PACS2: variants seen among roughly 807,000 people sequenced by gnomAD.
PACS2 encodes the protein PACS1-like protein.
In PACS2, 36 loss-of-function variants were observed where a neutral mutation model predicts 113.0. The ratio of observed to expected loss-of-function variants is 0.32; its 90% CI spans 0.24 to 0.42. PACS2 has a LOEUF of 0.42. Among genes scored for constraint, PACS2 ranks in the 10% least tolerant of loss-of-function variants. The pLI, the probability that PACS2 is intolerant of heterozygous loss-of-function variation, is 1.00. For missense variants in PACS2, 1,015 were observed against 1,239.5 expected (o/e 0.82, Z 2.72); for synonymous variants, 589 against 536.1 (o/e 1.10, Z -1.36).
At chr14:105,388,407 G>A (rs61984703) in intron 19 of PACS2, among the ~76,000 whole-genome samples, 3 of 152,254 alleles carry the variant, frequency 2.0e-5, no homozygotes, top group South Asian at 2.1e-4. Flanking sequence ...GGGAGCACTG[G>A]GATCAAGCCT....
chr14:105,382,585 G>C lies in PACS2; in HGVS notation c.1518+4G>C. On this transcript the variant is annotated splice_donor_region_variant and intron_variant, in intron 14 of 24. Transcript: ENST00000447393. ...CACCTCGGACTGGCAGGGGCAGGTA[G>C]AGGGGCAGTCTCTTGGAGTGGAGGG... The C allele has an allele frequency of 6.4e-7, 1 of 1,570,608 alleles. No homozygotes were observed.
At chr14:105,389,815 C>T (rs931563548) in intron 19 of PACS2, 146 bp from the exon 20 acceptor site, 4 of 743,208 alleles carry the variant, frequency 5.4e-6, no homozygotes, top group African/African-American at 3.4e-5. Flanking sequence ...GGGGCCGGGA[C>T]ACACAGGGCA....
chr14:105,383,295 G>T, intron 15 of PACS2, 64 bp from the exon 16 acceptor site: 1 of 1,574,246 alleles, frequency 6.4e-7, no homozygotes. Flanking sequence ...TGGCATCCTT[G>T]GATGGAGGAC....
In PACS2 at chr14:105,323,351, G is replaced by A. The variant is rs587675466; in HGVS notation, c.119+8314G>A. On this transcript the variant is annotated intron_variant, in intron 1 of 24. Transcript: ENST00000447393. This position sits in a 1 kb window ranked among gnomAD's most constrained non-coding sequence, Gnocchi z 4.1. ...TGTCAGTGGGCGGCGGCTGGCTGGG[G>A]CAGTAGCCTGTCTCCAGCCCTTCCC... Among the ~76,000 whole-genome samples the A allele has an allele frequency of 6.6e-6, 1 of 152,316 alleles. No homozygotes were observed. The highest frequency in any genetic ancestry group is 1.9e-4 in the East Asian group (1 of 5,186).
rs1361489701 is a variant in PACS2 at position 105,376,489 on chromosome 14, C to T, written c.802-279C>T. ...CCCACACCCGTCAGAGCTCACCTGCCTGCACCCAGGCCCTCCGTGCACCCT... is the reference window on the plus strand; with the variant it reads ...CCCACACCCGTCAGAGCTCACCTGCTTGCACCCAGGCCCTCCGTGCACCCT... On this transcript the variant is annotated intron_variant, in intron 8 of 24. Coordinates refer to ENST00000447393, the MANE Select transcript of PACS2 (RefSeq NM_001100913.3). This position sits in a 1 kb window ranked among gnomAD's most constrained non-coding sequence, Gnocchi z 4.7. Among the ~76,000 whole-genome samples the T allele has an allele frequency of 2.6e-5, 4 of 152,164 alleles. No individual in the cohort carries two copies. Among genetic ancestry groups the T allele is most frequent in the Non-Finnish European group, 4.4e-5 (3 of 68,014 alleles).
chr14:105,300,795 G>C (rs1380644404), exon 1 of PACS2: 3 of 344,778 alleles, frequency 8.7e-6, no homozygotes, highest in East Asian at 1.1e-4. Context: ...GCGCGCGCCC[G>C]GGCCGCGCCG....
rs587654865 is a variant in PACS2, at chr14:105,354,727, G to A, written c.298-325G>A. ...GCACATGAGCCGCCACACTGTTTCC[G>A]AGTGTCCACAGGCGCGCTCGGCCAT... On this transcript the variant is annotated intron_variant, in intron 3 of 24. Coordinates refer to ENST00000447393, the MANE Select transcript of PACS2 (RefSeq NM_001100913.3). This position sits in a 1 kb window ranked among gnomAD's most constrained non-coding sequence, Gnocchi z 4.2. Among the ~76,000 whole-genome samples the A allele has an allele frequency of 8.5e-5, 13 of 152,326 alleles. No individual in the cohort carries two copies. Among genetic ancestry groups the A allele is most frequent in the African/African-American group, 2.9e-4 (12 of 41,584 alleles).
At chr14:105,362,523 A>G (rs1555406897) in intron 4 of PACS2, among the ~76,000 whole-genome samples, 1 of 152,000 alleles carries the variant, frequency 6.6e-6, no homozygotes, top group Non-Finnish European at 1.5e-5. Context: ...TATGGCAGCT[A>G]TAGCCTTATG....
At chr14:105,311,101 C>T (rs915026321), upstream of PACS2, among the ~76,000 whole-genome samples, 1 of 152,034 alleles carries the variant, frequency 6.6e-6, no homozygotes, top group Non-Finnish European at 1.5e-5. Context: ...TACAGGCGCG[C>T]ACCATCATGC....
Position 105,336,876 on chromosome 14 carries a change from C to T in PACS2, c.120-11617C>T, listed in dbSNP as rs987414701. Among the ~76,000 whole-genome samples the T allele has an allele frequency of 2.0e-5, 3 of 152,190 alleles. No individual in the cohort carries two copies. The East Asian group carries it at 5.8e-4, about 29-fold the overall frequency. On this transcript the variant is annotated intron_variant, in intron 1 of 24. Transcript: ENST00000447393. ...GAGTTACTGTGTGAGCTAGCAGTTG[C>T]ACTTCTCAGTAGAACCCGGGAGCAC... is the stretch of plus-strand genomic sequence containing the variant.
intron 8 of PACS2, chr14:105,371,657 C>G (rs1180735528): frequency 6.6e-6 from 1 of 152,142 alleles, no homozygotes; most frequent in Non-Finnish European, 1.5e-5. Context: ...AGTGCCACAC[C>G]TGGCACTGCC....
At chr14:105,384,300 C>G in intron 16 of PACS2, 53 bp from the exon 17 acceptor site, 1 of 1,090,768 alleles carries the variant, frequency 9.2e-7, no homozygotes, top group African/African-American at 1.5e-5. Context: ...GCGGTGGGAG[C>G]CTTGCAGCTC....
rs982570762 is a variant in PACS2 at position 105,369,914 on chromosome 14, G to C, written c.801+14G>C. On this transcript the variant is annotated intron_variant, in intron 8 of 24. Transcript: ENST00000447393. ...GTGTCCGACGAGGTGAGTGCGCCGC[G>C]CCTTCTGCTCGCGGCCCCCACGCCT... 6.3e-7 allele frequency: 1 copy of C among 1,595,618 alleles called. No individual in the cohort carries two copies. Among genetic ancestry groups the C allele is most frequent in the East Asian group, 2.2e-5 (1 of 44,524 alleles).
At chr14:105,335,380 G>A (rs998536989) in intron 1 of PACS2, among the ~76,000 whole-genome samples, 6 of 146,696 alleles carry the variant, frequency 4.1e-5, no homozygotes, top group South Asian at 4.2e-4. Flanking sequence ...GGCGCCTGGC[G>A]TGGCTCTGAC....
At position 105,362,230 on chromosome 14, in the gene PACS2, A is replaced by G. The variant is rs948490897; in HGVS notation, c.424-4983A>G. Among the ~76,000 whole-genome samples, 21 of 150,974 alleles carry G rather than the reference A, an allele frequency of 1.4e-4. No individual in the cohort carries two copies. The South Asian group carries it at 1.5e-3, about 11-fold the overall frequency. ...TCAGGAGATCAAGACCATCCTGGCT[A>G]ACACAGTGAAACACCGTCTCTACTG... On this transcript the variant is annotated intron_variant, in intron 4 of 24. Coordinates refer to ENST00000447393, the MANE Select transcript of PACS2 (RefSeq NM_001100913.3).
intron 24 of PACS2, 73 bp from the exon 25 acceptor site, chr14:105,394,481 G>T: frequency 6.3e-7 from 1 of 1,592,134 alleles, no homozygotes; most frequent in Non-Finnish European, 8.5e-7. Context: ...CAGCCTGGTG[G>T]GCCAGGCAGG....
At chr14:105,321,745 T>G (rs2058895834) in intron 1 of PACS2, among the ~76,000 whole-genome samples, 1 of 152,026 alleles carries the variant, frequency 6.6e-6, no homozygotes, top group African/African-American at 2.4e-5. Context: ...CTTTTCTCAT[T>G]GTATGACTGC....
chr14:105,350,892 G>A (rs1193524332), intron 2 of PACS2, among the ~76,000 whole-genome samples: 1 of 152,216 alleles, frequency 6.6e-6, no homozygotes, highest in Non-Finnish European at 1.5e-5. Context: ...GGGACAGGAG[G>A]GCTGGCCGAG....
chr14:105,381,875 T>A (rs1555412109), intron 12 of PACS2, 39 bp from the exon 13 acceptor site: 2 of 1,531,824 alleles, frequency 1.3e-6, no homozygotes, highest in Non-Finnish European at 1.8e-6. Context: ...TTCCTGTTCC[T>A]GCTGCCACAG....
Sources: allele counts gnomAD v4.1 joint callset (sites outside exome capture counted in the v4.1 genomes callset), GRCh38; gene constraint gnomAD v4.1.1; non-coding constraint Gnocchi (gnomAD v3.1); transcripts MANE v1.5; gene names NCBI Gene and HGNC (gene_info 2026-07-23, HGNC 2026-07-21).